The following PPL variants were observed in gnomAD, a reference collection of about 807,000 sequenced individuals.
PPL encodes the protein periplakin, also known as 190 kDa paraneoplastic pemphigus antigen.
A neutral mutation model predicts 194.4 loss-of-function variants in PPL; 198 were observed. That is an observed-to-expected ratio of 1.02 (90% CI 0.91 to 1.15). The LOEUF is 1.15. PPL is among the 50% of genes most tolerant of loss of function. The pLI is 0.00. For synonymous variants in PPL, 1,220 were observed against 972.4 expected (o/e 1.25, Z -4.74); for missense variants, 2,885 against 2,294.8 (o/e 1.26, Z -5.25).
chr16:4,900,933 T>C (rs765772978), intron 5 of PPL, 31 bp downstream of exon 5: 5 of 1,613,844 alleles, frequency 3.1e-6, no homozygotes, highest in Admixed American at 1.7e-5. Flanking sequence ...CCTCCATCCC[T>C]GGGTCCCCAC....
chr16:4,898,003 C>A (rs1438258511), intron 8 of PPL, among the ~76,000 whole-genome samples: 1 of 152,226 alleles, frequency 6.6e-6, no homozygotes, highest in East Asian at 1.9e-4. Context: ...CTGTGCAGTG[C>A]ACAAAGGGCA....
intron 2 of PPL, among the ~76,000 whole-genome samples, chr16:4,908,422 T>TTCTCTCTCTCTCTCTCTCTCTC (rs58737308): frequency 1.3e-5 from 2 of 148,410 alleles, no homozygotes; most frequent in African/African-American, 4.9e-5. Flanking sequence ...TCTTCCTTCT[T>TTCTCTCTCTCTCTCTCTCTCTC]TCTCTCTCTC....
In PPL at chr16:4,902,574, G is replaced by A; in HGVS notation, c.318-48C>T. ...TTAGTGGGGCTGGTTGGCACTGCCT[G>A]CACCCCAGGAGGGGCCCCCCACCCA... On this transcript the variant is annotated intron_variant, in intron 3 of 21. Coordinates refer to ENST00000345988, the MANE Select transcript of PPL (RefSeq NM_002705.5). The surrounding 1 kb of genome is among the most constrained non-coding windows in gnomAD (Gnocchi z 4.0). The A allele has an allele frequency of 6.3e-7, 1 of 1,594,510 alleles. No homozygotes were observed. The highest frequency in any genetic ancestry group is 8.5e-7 in the Non-Finnish European group (1 of 1,169,978).
chr16:4,912,826 C>A (rs1297935691), intron 1 of PPL, among the ~76,000 whole-genome samples: 2 of 152,080 alleles, frequency 1.3e-5, no homozygotes, highest in Non-Finnish European at 2.9e-5. Flanking sequence ...ACTTGAGGCC[C>A]GGTGTGGTGG....
Position 4,902,299 on chromosome 16 carries a change from C to T in PPL, c.438+107G>A. ...AAAACCATCAGGACCACGACTGTCT[C>T]CCTGGTAAGACCCGGGATGCCCATT... On this transcript the variant is annotated intron_variant, in intron 4 of 21. Coordinates refer to ENST00000345988, the MANE Select transcript of PPL (RefSeq NM_002705.5). This position sits in a 1 kb window ranked among gnomAD's most constrained non-coding sequence, Gnocchi z 4.0. 6.6e-7 allele frequency: 1 copy of T among 1,514,470 alleles called. No individual in the cohort carries two copies. Among genetic ancestry groups the T allele is most frequent in the Non-Finnish European group, 8.9e-7 (1 of 1,123,454 alleles). The allele number at this position is 1,514,470 out of a possible 1,614,324, so 93.8% of individuals were successfully genotyped here.
At chr16:4,908,033 C>T (rs1295059506) in intron 2 of PPL, among the ~76,000 whole-genome samples, 1 of 151,670 alleles carries the variant, frequency 6.6e-6, no homozygotes, top group Non-Finnish European at 1.5e-5. Context: ...GTGGTGGTGC[C>T]TGCCTGTGGT....
Position 4,893,450 on chromosome 16 carries a change from C to A in PPL, c.1493-80G>T, listed in dbSNP as rs1323800448. On this transcript the variant is annotated intron_variant, in intron 13 of 21. Coordinates refer to ENST00000345988, the MANE Select transcript of PPL (RefSeq NM_002705.5). ...CCCAGGGATGGACCTAGGCAGCCAG[C>A]CCCCCGCCGTCTCATCCACAGCACA... The A allele has an allele frequency of 3.2e-6, 5 of 1,585,428 alleles. No individual in the cohort carries two copies. In the East Asian group the frequency reaches 1.1e-4, roughly 36 times the overall value.
rs955989115 is a variant in PPL at position 4,885,279 on chromosome 16, T to G, written c.3376A>C (p.Thr1126Pro). 2 of 1,611,818 alleles carry G rather than the reference T, an allele frequency of 1.2e-6. No individual in the cohort carries two copies. Reference protein sequence around the residue: ...EVLKVEKDAATEREVSDLTRQ... With the variant: ...EVLKVEKDAAPEREVSDLTRQ... The stretch of plus-strand genomic sequence containing the variant: ...GTGAGATCGCTGACCTCCCTCTCGG[T>G]GGCCGCGTCCTTCTCCACCTTGAGC... Residue 1126 changes from threonine (T) to proline (P), a missense_variant, in exon 22 of 22, where the codon ACC becomes CCC. Coordinates refer to ENST00000345988, the MANE Select transcript of PPL (RefSeq NM_002705.5). This position sits in a 1 kb window ranked among gnomAD's most constrained non-coding sequence, Gnocchi z 6.3.
intron 19 of PPL, 46 bp from the exon 20 acceptor site, chr16:4,888,264 G>A: frequency 1.5e-6 from 2 of 1,375,094 alleles, no homozygotes; most frequent in African/African-American, 1.4e-5. Flanking sequence ...AAACAGCTGA[G>A]AAGAGACAGA....
intron 1 of PPL, among the ~76,000 whole-genome samples, chr16:4,920,318 GA>G (rs60456285): frequency 0.015 from 229 of 15,274 alleles, 1 homozygote; most frequent in East Asian, 0.13. Flanking sequence ...AAGAAGGAAA[GA>G]AAAGAAAGAA....
At position 4,893,353 on chromosome 16, in the gene PPL, C is replaced by A. The variant is rs1291234759; in HGVS notation, c.1510G>T (p.Gly504Trp). 2.5e-6 allele frequency: 4 copies of A among 1,607,562 alleles called. No individual in the cohort carries two copies. The highest frequency in any genetic ancestry group is 2.5e-6 in the Non-Finnish European group (3 of 1,179,772). The change falls in exon 14 of 22, where the codon GGG becomes TGG. Residue 504 changes from glycine to tryptophan, a missense_variant. Physicochemically the swap from Gly to Trp is radical, Grantham distance 184. Coordinates refer to ENST00000345988, the MANE Select transcript of PPL (RefSeq NM_002705.5). ...ENPGDASDLQ[G>W]RQLLAGLDKV... The stretch of plus-strand genomic sequence containing the variant: ...TCCAAGCCAGCCAGCAGCTGCCGCC[C>A]CTGTAGGTCAGAGGCATCTGTGGAG...
chr16:4,899,020 G>T lies in PPL; in HGVS notation c.869C>A (p.Ser290Tyr), dbSNP rs781745876. 3 of 1,613,350 alleles carry T rather than the reference G, an allele frequency of 1.9e-6. No homozygotes were observed. Among genetic ancestry groups the T allele is most frequent in the Non-Finnish European group, 2.5e-6 (3 of 1,179,872 alleles). ...LLAAEHPGRN[S>Y]IEAHMEAVHA... ...GTCTCGGGGTGCATGAACCTCAATG[G>T]AGTTCCTCCCGGGGTGCTCGGCCGC... Residue 290 changes from serine to tyrosine, a missense_variant, in exon 8 of 22, where the codon TCC becomes TAC. By Grantham distance (144) the Ser-to-Tyr change is moderately radical. Transcript: ENST00000345988.
chr16:4,908,750 A>G (rs2088756831), intron 2 of PPL, among the ~76,000 whole-genome samples: 1 of 152,170 alleles, frequency 6.6e-6, no homozygotes, highest in South Asian at 2.1e-4. Flanking sequence ...CATGTTGCTC[A>G]GGCTTGTCTG....
At position 4,884,501 on chromosome 16, in the gene PPL, A is replaced by C; in HGVS notation, c.4154T>G (p.Leu1385Arg). 1 of 1,608,914 alleles carries C rather than the reference A, an allele frequency of 6.2e-7. No individual in the cohort carries two copies. Among genetic ancestry groups the C allele is most frequent in the Non-Finnish European group, 8.5e-7 (1 of 1,179,130 alleles). The change falls in exon 22 of 22, where the codon CTG (leucine) becomes CGG (arginine). Residue 1385 changes from leucine to arginine, a missense_variant. Physicochemically the swap from Leu to Arg is moderately radical, Grantham distance 102. Transcript: ENST00000345988. The surrounding 1 kb of genome is among the most constrained non-coding windows in gnomAD (Gnocchi z 5.7). ...IDVELRQIDK[L>R]RAELRRLQRR... ...CTGCAGCCGCCGCAGCTCTGCCCGC[A>C]GCTTGTCAATCTGCCGCAGCTCCAC...
intron 18 of PPL, among the ~76,000 whole-genome samples, 197 bp downstream of exon 18, chr16:4,889,987 G>A (rs145648836): frequency 6.6e-6 from 1 of 152,264 alleles, no homozygotes; most frequent in African/African-American, 2.4e-5. Flanking sequence ...AGCTGGGAGA[G>A]GTGAGCGACA....
At chr16:4,909,624 A>G (rs1329140809) in intron 2 of PPL, among the ~76,000 whole-genome samples, 2 of 151,474 alleles carry the variant, frequency 1.3e-5, no homozygotes, top group Non-Finnish European at 2.9e-5. Context: ...ATGAGGTTTC[A>G]CCACATTGGC....
chr16:4,892,887 T>G, intron 14 of PPL: 1 of 251,550 alleles, frequency 4.0e-6, no homozygotes, highest in Non-Finnish European at 7.6e-6. Context: ...CTGGAGTTTA[T>G]AAATACAAAC....
intron 2 of PPL, among the ~76,000 whole-genome samples, chr16:4,906,210 G>T (rs960699945): frequency 1.3e-5 from 2 of 152,052 alleles, no homozygotes; most frequent in Non-Finnish European, 2.9e-5. Flanking sequence ...ACTTGGAGTG[G>T]AATTTTTAAA....
chr16:4,901,046 A>G lies in PPL; in HGVS notation c.482T>C (p.Val161Ala), dbSNP rs1008775798. ...GTTATGCTCCTCCACTTGGTGGTCC[A>G]CCAGCGGCAGGTCAGTCCCAAAGCT... is the stretch of plus-strand genomic sequence containing the variant. ...NQSFGTDLPL[V>A]DHQVEEHNIF... The change falls in exon 5 of 22, where the codon GTG becomes GCG. Residue 161 changes from valine (V) to alanine (A), a missense_variant. Physicochemically the swap from Val to Ala is moderately conservative, Grantham distance 64. Coordinates refer to ENST00000345988, the MANE Select transcript of PPL (RefSeq NM_002705.5). 3.1e-6 allele frequency: 5 copies of G among 1,614,182 alleles called. No individual in the cohort carries two copies. The highest frequency in any genetic ancestry group is 1.1e-5 in the South Asian group (1 of 91,080).
Sources: allele counts gnomAD v4.1 joint callset (sites outside exome capture counted in the v4.1 genomes callset), GRCh38; gene constraint gnomAD v4.1.1; non-coding constraint Gnocchi (gnomAD v3.1); transcripts MANE v1.5; gene names NCBI Gene and HGNC (gene_info 2026-07-23, HGNC 2026-07-21).